ITSN1: variants seen among roughly 807,000 people sequenced by gnomAD.
ITSN1 encodes intersectin-1.
Under a neutral mutation model 239.8 loss-of-function variants are expected in ITSN1, and 58 were observed. The ratio of observed to expected loss-of-function variants is 0.24; its 90% CI spans 0.20 to 0.30. ITSN1 has a LOEUF of 0.30. Among genes scored for constraint, ITSN1 ranks in the 10% least tolerant of loss-of-function variants. ITSN1 has a pLI of 1.00. For synonymous variants in ITSN1, 780 were observed against 770.8 expected, an observed-to-expected ratio of 1.01 and a Z score of -0.20; for missense variants, 1,558 against 2,103.3, an observed-to-expected ratio of 0.74 and a Z score of 5.07.
chr21:33,888,073 G>T, intron 39 of ITSN1, 79 bp from the exon 40 acceptor site: 2 of 1,455,534 alleles, frequency 1.4e-6, no homozygotes, highest in Non-Finnish European at 9.4e-7. Context: ...GTTCATCAGG[G>T]GGTCCCCAAT....
chr21:33,656,542 C>T (rs2089092668), intron 1 of ITSN1, among the ~76,000 whole-genome samples: 1 of 150,940 alleles, frequency 6.6e-6, no homozygotes, highest in South Asian at 2.1e-4. Flanking sequence ...CTGAAACAAG[C>T]TTTTTTTTTG....
rs186965747 is a variant in ITSN1 at position 33,871,694 on chromosome 21, T to C, written c.4174-3660T>C. On this transcript the variant is annotated intron_variant, in intron 33 of 39. Coordinates refer to ENST00000381318, the MANE Select transcript of ITSN1 (RefSeq NM_003024.3). Reference sequence around the variant, plus strand: ...AGGTGAAAGTTGCAGTGAGCCGAGATCGCGCCACTGCACTCCAGCCTGGCG... The same window carrying C: ...AGGTGAAAGTTGCAGTGAGCCGAGACCGCGCCACTGCACTCCAGCCTGGCG... Among the ~76,000 whole-genome samples the C allele has an allele frequency of 2.4e-3, 364 of 151,244 alleles. 1 individual carries two copies. Among genetic ancestry groups the C allele is most frequent in the African/African-American group, 8.6e-3 (354 of 41,048 alleles).
chr21:33,801,205 T>G (rs1235508108), intron 19 of ITSN1, among the ~76,000 whole-genome samples: 2 of 152,184 alleles, frequency 1.3e-5, no homozygotes, highest in African/African-American at 2.4e-5. Context: ...AGTTAACAAT[T>G]GAAACAAACA....
intron 26 of ITSN1, among the ~76,000 whole-genome samples, 191 bp downstream of exon 26, chr21:33,827,054 A>G (rs911244873): frequency 2.6e-5 from 4 of 152,234 alleles, no homozygotes; most frequent in African/African-American, 7.2e-5. Flanking sequence ...TGCTTCACAC[A>G]TGAAGAGTGG....
At chr21:33,772,695 T>A (rs1226532374) in intron 12 of ITSN1, among the ~76,000 whole-genome samples, 2 of 152,228 alleles carry the variant, frequency 1.3e-5, no homozygotes. Flanking sequence ...AATCAGTCCT[T>A]TATTCCTGTT....
rs1454966539 is a variant in ITSN1 at position 33,858,668 on chromosome 21, C to T, written c.3784-18C>T. 2.0e-6 allele frequency: 3 copies of T among 1,518,856 alleles called. No homozygotes were observed. The highest frequency in any genetic ancestry group is 2.7e-6 in the Non-Finnish European group (3 of 1,094,586). 94.1% of individuals were successfully genotyped at this position (1,518,856 alleles called of 1,614,324 possible). On this transcript the variant is annotated intron_variant, in intron 30 of 39. Coordinates refer to ENST00000381318, the MANE Select transcript of ITSN1 (RefSeq NM_003024.3). ...AAGCTAACTGCTTTCTGAACTGCTT[C>T]GTTTTCTGCATCTGTAGATTTTTCA...
chr21:33,658,242 T>G (rs1368629188), intron 1 of ITSN1, among the ~76,000 whole-genome samples: 1 of 152,164 alleles, frequency 6.6e-6, no homozygotes, highest in Non-Finnish European at 1.5e-5. Flanking sequence ...GTCTTCACGT[T>G]GAGTAGGCTG....
At chr21:33,781,570 T>C (rs754804973) in intron 15 of ITSN1, 22 bp downstream of exon 15, 12 of 1,325,174 alleles carry the variant, frequency 9.1e-6, no homozygotes, top group East Asian at 5.1e-5. Context: ...ATTTTTAAAG[T>C]TGACCTTTTC....
chr21:33,737,359 A>G (rs1256395932), intron 5 of ITSN1, among the ~76,000 whole-genome samples: 2 of 152,112 alleles, frequency 1.3e-5, no homozygotes, highest in Non-Finnish European at 2.9e-5. Context: ...TCCTCACCAC[A>G]TTGATGTTCT....
intron 31 of ITSN1, among the ~76,000 whole-genome samples, chr21:33,860,289 G>C (rs954860876): frequency 6.6e-6 from 1 of 150,522 alleles, no homozygotes; most frequent in Admixed American, 6.6e-5. Flanking sequence ...CCTGGGCCAC[G>C]GGAGTGAAAC....
chr21:33,730,839 A>G (rs1306167762), intron 4 of ITSN1, among the ~76,000 whole-genome samples: 1 of 151,952 alleles, frequency 6.6e-6, no homozygotes, highest in Non-Finnish European at 1.5e-5. Flanking sequence ...AGCTGGGACT[A>G]CAGGCGCCCG....
In ITSN1 at chr21:33,797,724, C is replaced by A; in HGVS notation, c.2182+116C>A. On this transcript the variant is annotated intron_variant, in intron 18 of 39. Coordinates refer to ENST00000381318, the MANE Select transcript of ITSN1 (RefSeq NM_003024.3). This position sits in a 1 kb window ranked among gnomAD's most constrained non-coding sequence, Gnocchi z 4.9. ...TGGCTACATTAACAGATGAGAACGT[C>A]AGTCTCTTATTTTGAGCATGGCCAG... is the stretch of plus-strand genomic sequence containing the variant. 1.3e-6 allele frequency: 1 copy of A among 741,750 alleles called. No individual in the cohort carries two copies. Among genetic ancestry groups the A allele is most frequent in the Non-Finnish European group, 2.2e-6 (1 of 446,974 alleles). The allele number at this position is 741,750 out of a possible 1,614,324, so 45.9% of individuals were successfully genotyped here. A position where few individuals can be genotyped will look rare whatever the true frequency, so the allele number is the denominator to read the frequency against.
chr21:33,780,775 T>C (rs1163817653), intron 14 of ITSN1, among the ~76,000 whole-genome samples: 1 of 152,232 alleles, frequency 6.6e-6, no homozygotes, highest in African/African-American at 2.4e-5. Flanking sequence ...GCAGAAACTA[T>C]ACAGGATATT....
intron 5 of ITSN1, among the ~76,000 whole-genome samples, chr21:33,742,272 G>C (rs546793636): frequency 6.6e-6 from 1 of 152,096 alleles, no homozygotes; most frequent in East Asian, 1.9e-4. Context: ...GGCCAGGCTG[G>C]TCTCGAACTT....
At chr21:33,822,455 C>T (rs2073742481) in intron 24 of ITSN1, among the ~76,000 whole-genome samples, 1 of 151,888 alleles carries the variant, frequency 6.6e-6, no homozygotes, top group Non-Finnish European at 1.5e-5. Flanking sequence ...CATACAAAAG[C>T]CTAGGATAAA....
chr21:33,650,381 T>C (rs1156611188), intron 1 of ITSN1, among the ~76,000 whole-genome samples: 1 of 152,204 alleles, frequency 6.6e-6, no homozygotes, highest in East Asian at 1.9e-4. Context: ...TCCAACGAAT[T>C]GGAGCCATTC....
At chr21:33,841,133 C>A (rs75764565) in intron 29 of ITSN1, among the ~76,000 whole-genome samples, 3,283 of 152,270 alleles carry the variant, frequency 0.022, 39 homozygotes, top group Non-Finnish European at 0.034. Context: ...AAATATCTAA[C>A]CATTACATGC....
intron 8 of ITSN1, 49 bp from the exon 9 acceptor site, chr21:33,761,874 T>G: frequency 4.5e-6 from 6 of 1,324,052 alleles, no homozygotes; most frequent in Non-Finnish European, 6.6e-6. Context: ...TCCTGTACAG[T>G]GAGTATTTGC....
At chr21:33,884,099 G>A (rs1303922128) in intron 36 of ITSN1, among the ~76,000 whole-genome samples, 1 of 151,716 alleles carries the variant, frequency 6.6e-6, no homozygotes, top group Admixed American at 6.6e-5. Context: ...ATGGGTTCTT[G>A]CCATGTTGCC....
Sources: allele counts gnomAD v4.1 joint callset (sites outside exome capture counted in the v4.1 genomes callset), GRCh38; gene constraint gnomAD v4.1.1; non-coding constraint Gnocchi (gnomAD v3.1); transcripts MANE v1.5; gene names NCBI Gene and HGNC (gene_info 2026-07-23, HGNC 2026-07-21).